Variants in MDFIC observed in about 807,000 individuals in gnomAD.
MDFIC encodes the protein myoD family inhibitor domain-containing protein.
A neutral mutation model predicts 23.2 loss-of-function variants in MDFIC; 17 were observed. That is an observed-to-expected ratio of 0.73 (90% CI 0.50 to 1.10). The LOEUF (loss-of-function observed/expected upper bound fraction) is 1.10. MDFIC is among the 50% of genes least tolerant of loss of function. MDFIC has a pLI of 0.00. For missense variants in MDFIC, 356 were observed against 316.6 expected (o/e 1.12, Z -0.95); for synonymous variants, 120 against 115.2 (o/e 1.04, Z -0.27).
chr7:114,985,892 G>A (rs1172628307), intron 4 of MDFIC, among the ~76,000 whole-genome samples: 1 of 151,554 alleles, frequency 6.6e-6, no homozygotes, highest in Non-Finnish European at 1.5e-5. Context: ...TACTTTTTTT[G>A]AAAAATTGTG....
intron 3 of MDFIC, among the ~76,000 whole-genome samples, chr7:114,963,650 A>G (rs1585104831): frequency 1.3e-5 from 2 of 152,220 alleles, no homozygotes; most frequent in African/African-American, 2.4e-5. Context: ...ATCATAGCTC[A>G]CTGCAGCCTC....
intron 3 of MDFIC, among the ~76,000 whole-genome samples, chr7:114,944,018 A>T (rs1412071510): frequency 6.6e-6 from 1 of 152,362 alleles, no homozygotes; most frequent in African/African-American, 2.4e-5. Context: ...GGTGAAGCTC[A>T]TATTAGTCAT....
chr7:114,930,443 C>G (rs1003601685), intron 2 of MDFIC, among the ~76,000 whole-genome samples: 2 of 151,936 alleles, frequency 1.3e-5, no homozygotes, highest in East Asian at 3.9e-4. Context: ...AGACCTCTGG[C>G]GAGAAAAAAA....
At chr7:114,947,320 T>G (rs901588850) in intron 3 of MDFIC, among the ~76,000 whole-genome samples, 2 of 152,208 alleles carry the variant, frequency 1.3e-5, no homozygotes, top group African/African-American at 4.8e-5. Flanking sequence ...TCCATTTGGC[T>G]CTCAGAAAAA....
chr7:114,986,598 CAT>C (rs1793518911), intron 4 of MDFIC, among the ~76,000 whole-genome samples: 1 of 152,218 alleles, frequency 6.6e-6, no homozygotes, highest in South Asian at 2.1e-4. Context: ...CACTGTAATG[CAT>C]AGACATGTCT....
intron 2 of MDFIC, among the ~76,000 whole-genome samples, chr7:114,935,532 G>GTTTTTTT (rs67332555): frequency 6.7e-6 from 1 of 149,476 alleles, no homozygotes. Context: ...TTTTCTTTTT[G>GTTTTTTT]TTTTTTTTTG....
Position 114,922,216 on chromosome 7 carries a change from C to G in MDFIC, c.-528C>G. ...GGGCGCGAGGGATCGCGCGGCCGAG[C>G]CCGGGTCGCGCCGCTCCCAGCATCG... is the stretch of plus-strand genomic sequence containing the variant. On this transcript the variant is annotated 5_prime_UTR_variant, in exon 1 of 5. Coordinates refer to ENST00000393486, the MANE Select transcript of MDFIC (RefSeq NM_001166345.3). 1 of 477,622 alleles carries G rather than the reference C, an allele frequency of 2.1e-6. No individual in the cohort carries two copies. The highest frequency in any genetic ancestry group is 3.3e-6 in the Non-Finnish European group (1 of 300,662). 29.6% of individuals were successfully genotyped at this position (477,622 alleles called of 1,614,324 possible).
chr7:114,954,681 TTTA>T (rs1020406056), intron 3 of MDFIC, among the ~76,000 whole-genome samples: 4 of 152,244 alleles, frequency 2.6e-5, no homozygotes, highest in African/African-American at 9.6e-5. Flanking sequence ...GTAGTTTATA[TTTA>T]AGCACAGCTC....
chr7:114,962,070 T>C (rs573459669), intron 3 of MDFIC, among the ~76,000 whole-genome samples: 60 of 152,218 alleles, frequency 3.9e-4, no homozygotes, highest in Non-Finnish European at 7.5e-4. Context: ...GGTTCTTACA[T>C]AGATTCTTTC....
chr7:114,948,420 A>G (rs537895362), intron 3 of MDFIC, among the ~76,000 whole-genome samples: 2 of 152,270 alleles, frequency 1.3e-5, no homozygotes, highest in African/African-American at 4.8e-5. Flanking sequence ...GAGGAGGTGA[A>G]TAGGAATGAC....
In MDFIC at chr7:114,925,414, G is replaced by C. The variant is rs573909688; in HGVS notation, c.94+2287G>C. ...TGTAGTGAAGCCCATTCTAGTATTA[G>C]CATTAAGAATTAGAAAGGTTGTCCA... On this transcript the variant is annotated intron_variant, in intron 2 of 4. Transcript: ENST00000393486. 3.3e-5 allele frequency among the ~76,000 whole-genome samples: 5 copies of C among 152,128 alleles called. No homozygotes were observed. In the East Asian group the frequency reaches 9.6e-4, roughly 29 times the overall value.
intron 3 of MDFIC, among the ~76,000 whole-genome samples, chr7:114,961,251 A>G (rs1192118081): frequency 6.6e-6 from 1 of 152,176 alleles, no homozygotes; most frequent in Admixed American, 6.5e-5. Context: ...AATGATGGCC[A>G]TGAACCAGAG....
intron 4 of MDFIC, among the ~76,000 whole-genome samples, chr7:114,995,901 C>T (rs925752473): frequency 6.6e-6 from 1 of 152,164 alleles, no homozygotes; most frequent in South Asian, 2.1e-4. Flanking sequence ...CTGTCTTCTG[C>T]GTCACTCATG....
chr7:114,922,204 C>G lies in MDFIC; in HGVS notation c.-540C>G. On this transcript the variant is annotated 5_prime_UTR_variant, in exon 1 of 5. In the 5' UTR this introduces an upstream ATG that the reference lacks. Transcript: ENST00000393486. ...CCAGACAGCGCAGGGCGCGAGGGATCGCGCGGCCGAGCCCGGGTCGCGCCG... is the reference window on the plus strand; with the variant it reads ...CCAGACAGCGCAGGGCGCGAGGGATGGCGCGGCCGAGCCCGGGTCGCGCCG... 1 of 434,604 alleles carries G rather than the reference C, an allele frequency of 2.3e-6. No homozygotes were observed. The allele number at this position is 434,604 out of a possible 1,614,324, so 26.9% of individuals were successfully genotyped here.
chr7:114,927,360 G>T (rs1325143015), intron 2 of MDFIC, among the ~76,000 whole-genome samples: 1 of 140,448 alleles, frequency 7.1e-6, no homozygotes, highest in Non-Finnish European at 1.5e-5. Context: ...ACTTCAGAAA[G>T]CTTTTTAAAA....
intron 4 of MDFIC, among the ~76,000 whole-genome samples, chr7:114,998,433 G>T (rs1240271171): frequency 6.6e-6 from 1 of 151,980 alleles, no homozygotes; most frequent in Admixed American, 6.6e-5. Flanking sequence ...CATTGTTGAG[G>T]GTGGAAGAGT....
chr7:114,930,627 G>C (rs1466721042), intron 2 of MDFIC, among the ~76,000 whole-genome samples: 3 of 152,100 alleles, frequency 2.0e-5, no homozygotes, highest in Non-Finnish European at 4.4e-5. Flanking sequence ...ATGGAAAGAA[G>C]GCCTAATAAC....
At chr7:115,002,672 G>A (rs1359237320) in intron 4 of MDFIC, among the ~76,000 whole-genome samples, 1 of 152,116 alleles carries the variant, frequency 6.6e-6, no homozygotes, top group Non-Finnish European at 1.5e-5. Flanking sequence ...CTCCACCCTG[G>A]GCCCTACCTA....
chr7:115,006,902 T>C (rs1791580158), intron 4 of MDFIC, among the ~76,000 whole-genome samples: 1 of 151,906 alleles, frequency 6.6e-6, no homozygotes, highest in Admixed American at 6.6e-5. Flanking sequence ...CAACTGAAAA[T>C]AGCCAGCACT....
Sources: gnomAD v4.1 joint callset for allele counts (sites outside exome capture counted in the v4.1 genomes callset) on GRCh38, gnomAD v4.1.1 for gene constraint, MANE v1.5 for transcripts, NCBI Gene and HGNC (gene_info 2026-07-23, HGNC 2026-07-21) for gene names.